RFX8: variants seen among roughly 807,000 people sequenced by gnomAD.
The protein encoded by RFX8 is regulatory factor X8.
In RFX8, 46 loss-of-function variants were observed where a neutral mutation model predicts 54.6. The ratio of observed to expected loss-of-function variants is 0.84; its 90% CI spans 0.67 to 1.08. The LOEUF is 1.08. Among genes scored for constraint, RFX8 ranks in the 50% least tolerant of loss-of-function variants. The probability of loss-of-function intolerance (pLI) is 0.00; values close to 1 mark genes in which losing one functional copy is unlikely to be tolerated. For synonymous variants in RFX8, 192 were observed against 209.5 expected, an observed-to-expected ratio of 0.92 and a Z score of 0.72; for missense variants, 536 against 562.3, an observed-to-expected ratio of 0.95 and a Z score of 0.47.
chr2:101,406,357 A>G (rs571880813), intron 9 of RFX8, among the ~76,000 whole-genome samples: 1 of 151,220 alleles, frequency 6.6e-6, no homozygotes, highest in South Asian at 2.1e-4. Context: ...TTTTTGAGAC[A>G]TGGTCTTCCT....
intron 2 of RFX8, among the ~76,000 whole-genome samples, chr2:101,443,645 A>G (rs1573443041): frequency 1.3e-5 from 2 of 152,132 alleles, no homozygotes; most frequent in African/African-American, 4.8e-5. Flanking sequence ...GGAGTAGAGA[A>G]ATGACAATGT....
chr2:101,461,860 C>A (rs543880169), intron 2 of RFX8, among the ~76,000 whole-genome samples: 1 of 152,268 alleles, frequency 6.6e-6, no homozygotes, highest in Non-Finnish European at 1.5e-5. Flanking sequence ...CGCAAAAGTC[C>A]TCACCTTATA....
intron 2 of RFX8, among the ~76,000 whole-genome samples, chr2:101,457,882 T>G (rs1441997596): frequency 6.6e-6 from 1 of 152,214 alleles, no homozygotes; most frequent in Non-Finnish European, 1.5e-5. Flanking sequence ...GCTTTATGAA[T>G]CTGGGTGCTC....
intron 2 of RFX8, chr2:101,452,371 AATTCT>A: frequency 7.1e-7 from 1 of 1,408,464 alleles, no homozygotes; most frequent in Non-Finnish European, 9.3e-7. Context: ...ATAAAACAAA[AATTCT>A]AAACCTACCT....
At chr2:101,429,076 G>T in intron 2 of RFX8, 1 of 1,061,006 alleles carries the variant, frequency 9.4e-7, no homozygotes, top group Non-Finnish European at 1.4e-6. Context: ...TCTCTGAGCA[G>T]AAGCACGAAG....
intron 2 of RFX8, among the ~76,000 whole-genome samples, chr2:101,459,977 C>G (rs979925843): frequency 3.3e-5 from 5 of 152,170 alleles, no homozygotes; most frequent in African/African-American, 4.8e-5. Context: ...CTGGCCGCAT[C>G]CTCGCAGGTC....
intron 7 of RFX8, among the ~76,000 whole-genome samples, chr2:101,413,914 G>A (rs140617460): frequency 3.5e-4 from 54 of 152,276 alleles, no homozygotes; most frequent in African/African-American, 1.2e-3. Context: ...CGGGGTCATG[G>A]AAGCCACAGT....
intron 2 of RFX8, among the ~76,000 whole-genome samples, chr2:101,439,569 A>G (rs568417285): frequency 8.8e-4 from 131 of 149,198 alleles, no homozygotes; most frequent in African/African-American, 2.9e-3. Context: ...TAATTTTCAT[A>G]TACATTATGA....
At chr2:101,415,722 C>G (rs1038866476) in intron 6 of RFX8, among the ~76,000 whole-genome samples, 2 of 152,232 alleles carry the variant, frequency 1.3e-5, no homozygotes, top group African/African-American at 4.8e-5. Context: ...AAGAGGACAG[C>G]CCTTCCCTAC....
intron 2 of RFX8, among the ~76,000 whole-genome samples, chr2:101,448,709 C>T (rs529321537): frequency 6.6e-6 from 1 of 152,226 alleles, no homozygotes; most frequent in Non-Finnish European, 1.5e-5. Context: ...TCTACCACAG[C>T]AGCTGCCTCA....
At chr2:101,425,410 C>T (rs1236469480) in intron 2 of RFX8, among the ~76,000 whole-genome samples, 2 of 152,160 alleles carry the variant, frequency 1.3e-5, no homozygotes, top group Non-Finnish European at 2.9e-5. Flanking sequence ...CCTACTGAGC[C>T]TTCTGCATGC....
At chr2:101,422,680 C>T (rs948944128) in intron 2 of RFX8, among the ~76,000 whole-genome samples, 1 of 152,124 alleles carries the variant, frequency 6.6e-6, no homozygotes, top group African/African-American at 2.4e-5. Flanking sequence ...TGAACGATGG[C>T]CATCAGGGAA....
intron 9 of RFX8, among the ~76,000 whole-genome samples, chr2:101,410,406 C>CACAT (rs1251513411): frequency 7.6e-6 from 1 of 130,964 alleles, no homozygotes; most frequent in Non-Finnish European, 1.7e-5. Context: ...CACACACACA[C>CACAT]ACACACACAC....
intron 1 of RFX8, among the ~76,000 whole-genome samples, chr2:101,468,687 G>T (rs935490646): frequency 1.3e-5 from 2 of 151,860 alleles, no homozygotes; most frequent in Non-Finnish European, 2.9e-5. Flanking sequence ...CATCTACAAA[G>T]ATCCTATTTC....
chr2:101,418,234 A>T (rs181952753), intron 5 of RFX8, among the ~76,000 whole-genome samples: 3,647 of 152,236 alleles, frequency 0.024, 40 homozygotes, highest in Middle Eastern at 0.044. Context: ...GTATTTTTTT[A>T]AAAAATCACA....
intron 1 of RFX8, among the ~76,000 whole-genome samples, chr2:101,469,031 C>A (rs11690676): frequency 0.054 from 823 of 15,302 alleles, 64 homozygotes; most frequent in East Asian, 0.14. Context: ...TATATATATA[C>A]GTATATATAT....
intron 2 of RFX8, among the ~76,000 whole-genome samples, chr2:101,456,329 G>A (rs1308536540): frequency 2.0e-5 from 3 of 152,142 alleles, no homozygotes; most frequent in Non-Finnish European, 4.4e-5. Flanking sequence ...TGCCCATTCA[G>A]TATGATATTG....
chr2:101,414,956 G>GT (rs1269848217), intron 6 of RFX8, 44 bp from the exon 7 acceptor site: 1 of 1,434,722 alleles, frequency 7.0e-7, no homozygotes, highest in Non-Finnish European at 9.6e-7. Flanking sequence ...ATAACTTCAA[G>GT]TTCTCATGTG....
In RFX8 at chr2:101,417,522, A is replaced by C; in HGVS notation, c.502+12T>G. 6.5e-7 allele frequency: 1 copy of C among 1,541,980 alleles called. No individual in the cohort carries two copies. The highest frequency in any genetic ancestry group is 8.7e-7 in the Non-Finnish European group (1 of 1,143,448). On this transcript the variant is annotated intron_variant, in intron 6 of 11. Transcript: ENST00000428343. ...TGCCAGCCCAGAATTTATTTTTTTC[A>C]TCGAAACCTACCTTTGAGTTTGGAG...
Sources: allele counts gnomAD v4.1 joint callset (sites outside exome capture counted in the v4.1 genomes callset), GRCh38; gene constraint gnomAD v4.1.1; transcripts MANE v1.5; gene names NCBI Gene and HGNC (gene_info 2026-07-23, HGNC 2026-07-21).